The following SPG7 variants were observed in gnomAD, a reference collection of about 807,000 sequenced individuals.
The protein encoded by SPG7 is SPG7 matrix AAA peptidase subunit, paraplegin, also known as mitochondrial inner membrane m-AAA protease component paraplegin.
Under a neutral mutation model 81.9 loss-of-function variants are expected in SPG7, and 103 were observed. The ratio of observed to expected loss-of-function variants is 1.26; its 90% CI spans 1.07 to 1.48. SPG7 has a LOEUF of 1.48. SPG7 is among the 40% of genes most tolerant of loss of function. SPG7 has a pLI of 0.00. For synonymous variants in SPG7, 534 were observed against 444.2 expected, an observed-to-expected ratio of 1.20 and a Z score of -2.54; for missense variants, 1,241 against 1,087.3, an observed-to-expected ratio of 1.14 and a Z score of -1.99.
chr16:89,544,510 G>GA, intron 9 of SPG7, 138 bp from the exon 10 acceptor site: 1 of 988,682 alleles, frequency 1.0e-6, no homozygotes, highest in South Asian at 1.3e-5. Context: ...TCCTAGTTCA[G>GA]AAGGACCGGG....
intron 3 of SPG7, chr16:89,522,698 A>T (rs1380497275): frequency 6.5e-6 from 1 of 152,810 alleles, no homozygotes; most frequent in Non-Finnish European, 1.5e-5. Flanking sequence ...GGAGAGACTG[A>T]CCTGCCTAGG....
chr16:89,512,753 A>G (rs1597604180), intron 2 of SPG7, among the ~76,000 whole-genome samples, 195 bp from the exon 3 acceptor site: 1 of 152,222 alleles, frequency 6.6e-6, no homozygotes, highest in East Asian at 1.9e-4. Context: ...ATAGTTTATT[A>G]TTTTGTAATT....
At position 89,515,304 on chromosome 16, in the gene SPG7, T is replaced by C. The variant is rs558654125; in HGVS notation, c.376+2267T>C. ...TTATTTTTGAAACGGAGTCTCGCTC[T>C]GTTGCCCAGACTGGAGTCCAGTGGT... On this transcript the variant is annotated intron_variant, in intron 3 of 16. Transcript: ENST00000645818. Among the ~76,000 whole-genome samples, 12 of 151,234 alleles carry C rather than the reference T, an allele frequency of 7.9e-5. No homozygotes were observed. In the East Asian group the frequency reaches 2.4e-3, roughly 30 times the overall value.
At chr16:89,530,582 C>T (rs868719500) in intron 6 of SPG7, 101 bp from the exon 7 acceptor site, 10 of 1,340,028 alleles carry the variant, frequency 7.5e-6, no homozygotes, top group Middle Eastern at 2.1e-4. Flanking sequence ...AGGATGGAGA[C>T]GTGGGGTTGG....
intron 9 of SPG7, chr16:89,537,151 G>A: frequency 6.9e-7 from 1 of 1,458,076 alleles, no homozygotes; most frequent in Non-Finnish European, 9.0e-7. Context: ...AGGCTTTGTT[G>A]CTTCCGTTCA....
intron 2 of SPG7, among the ~76,000 whole-genome samples, chr16:89,511,670 TC>T (rs1193897744): frequency 6.6e-6 from 1 of 152,258 alleles, no homozygotes; most frequent in Non-Finnish European, 1.5e-5. Context: ...GTGAACCCGT[TC>T]ATGTCTTTGT....
At chr16:89,515,124 G>C (rs1477834901) in intron 3 of SPG7, among the ~76,000 whole-genome samples, 1 of 150,762 alleles carries the variant, frequency 6.6e-6, no homozygotes, top group East Asian at 2.0e-4. Flanking sequence ...TTTTAGTAGA[G>C]ACTCGGTTTC....
At chr16:89,542,585 A>G (rs1326282571) in intron 9 of SPG7, among the ~76,000 whole-genome samples, 1 of 152,158 alleles carries the variant, frequency 6.6e-6, no homozygotes, top group Non-Finnish European at 1.5e-5. Context: ...GTTTCTTTGA[A>G]ATTCGGGAGC....
At chr16:89,539,850 C>T (rs1371761276) in intron 9 of SPG7, 2 of 152,164 alleles carry the variant, frequency 1.3e-5, no homozygotes, top group Non-Finnish European at 2.9e-5. Context: ...GTGGGGAATA[C>T]AGGTGTGAGC....
intron 9 of SPG7, chr16:89,536,645 G>C (rs1352487800): frequency 2.8e-5 from 34 of 1,235,744 alleles, no homozygotes; most frequent in Non-Finnish European, 4.0e-5. Context: ...GGCGGGCGAG[G>C]TGGGCGAGGC....
rs759564368 is a variant in SPG7, at chr16:89,532,633, G to A, written c.1321G>A (p.Asp441Asn). 1 of 1,613,444 alleles carries A rather than the reference G, an allele frequency of 6.2e-7. No homozygotes were observed. Among genetic ancestry groups the A allele is most frequent in the Non-Finnish European group, 8.5e-7 (1 of 1,180,032 alleles). Residue 441 changes from aspartate to asparagine, a missense_variant, in exon 9 of 17, where the codon GAT becomes AAT. By Grantham distance (23) the Asp-to-Asn change is conservative. Coordinates refer to ENST00000645818, the MANE Select transcript of SPG7 (RefSeq NM_003119.4). ...QTLNQLLVEMDGMGTTDHVIV... is the reference protein window; with the variant it reads ...QTLNQLLVEMNGMGTTDHVIV... ...GCTCAACCAGCTTCTGGTAGAAATG[G>A]ATGGTCAGTGCTCGTGCGCCCCGCA... is the stretch of plus-strand genomic sequence containing the variant.
At chr16:89,510,942 C>T (rs1469944887) in intron 2 of SPG7, among the ~76,000 whole-genome samples, 1 of 152,210 alleles carries the variant, frequency 6.6e-6, no homozygotes, top group East Asian at 1.9e-4. Context: ...GAGTGATCCT[C>T]CCACCTCAGC....
At chr16:89,544,994 CT>C (rs551792594) in intron 10 of SPG7, 21 of 603,276 alleles carry the variant, frequency 3.5e-5, no homozygotes, top group Non-Finnish European at 5.5e-5. Context: ...TGCACGCCCC[CT>C]GGCAGACCTG....
At chr16:89,536,905 C>T in intron 9 of SPG7, 1 of 1,614,156 alleles carries the variant, frequency 6.2e-7, no homozygotes, top group African/African-American at 1.3e-5. Context: ...TTGCCTTTTG[C>T]ACTGAAGATA....
chr16:89,513,084 T>C, intron 3 of SPG7, 47 bp downstream of exon 3: 1 of 1,558,084 alleles, frequency 6.4e-7, no homozygotes. Context: ...TCTGGATGTC[T>C]TTACATTTCT....
intron 16 of SPG7, 173 bp downstream of exon 16, chr16:89,554,736 C>G (rs1186238490): frequency 1.6e-6 from 1 of 625,206 alleles, no homozygotes. Context: ...TACTTTTTAT[C>G]CTGAACTCGT....
Position 89,553,864 on chromosome 16 carries a change from T to A in SPG7, c.2007T>A (p.Pro669=). The A allele has an allele frequency of 6.2e-7, 1 of 1,613,484 alleles. No homozygotes were observed. The highest frequency in any genetic ancestry group is 8.5e-7 in the Non-Finnish European group (1 of 1,179,996). Reference sequence around the variant, plus strand: ...TGGTGAAGCAGTTTGGGATGGCACCTGGCATCGGGCCCATCTCCTTCCCTG... The same window carrying A: ...TGGTGAAGCAGTTTGGGATGGCACCAGGCATCGGGCCCATCTCCTTCCCTG... ...YSMVKQFGMA[P]GIGPISFPEA... Residue 669 remains proline (P), a synonymous_variant, in exon 15 of 17, where the codon CCT becomes CCA. Transcript: ENST00000645818.
chr16:89,513,029 A>G lies in SPG7; in HGVS notation c.368A>G (p.Glu123Gly). 6.2e-7 allele frequency: 1 copy of G among 1,608,978 alleles called. No individual in the cohort carries two copies. The highest frequency in any genetic ancestry group is 1.3e-5 in the African/African-American group (1 of 74,942). ...KDKSKGKAPE[E>G]DEEERRRRER... Reference sequence around the variant, plus strand: ...AAGTCGAAGGGGAAGGCGCCTGAAGAGGACGAAGGTATATTCATCTGATGT... The same window carrying G: ...AAGTCGAAGGGGAAGGCGCCTGAAGGGGACGAAGGTATATTCATCTGATGT... Residue 123 changes from glutamate (E) to glycine (G), a missense_variant, in exon 3 of 17, where the codon GAG (glutamate) becomes GGG (glycine). Glu to Gly is a moderately conservative substitution (Grantham distance 98). Transcript: ENST00000645818.
At chr16:89,537,571 G>A (rs779076259) in intron 9 of SPG7, 23 of 985,370 alleles carry the variant, frequency 2.3e-5, no homozygotes, top group African/African-American at 3.5e-5. Flanking sequence ...TCGTTCTGTC[G>A]CCCAGGCTGG....
Sources: gnomAD v4.1 joint callset for allele counts (sites outside exome capture counted in the v4.1 genomes callset) on GRCh38, gnomAD v4.1.1 for gene constraint, MANE v1.5 for transcripts, NCBI Gene and HGNC (gene_info 2026-07-23, HGNC 2026-07-21) for gene names.